PAQR3: variants seen among roughly 807,000 people sequenced by gnomAD.
The protein encoded by PAQR3 is progestin and adipoQ receptor family member 3.
PAQR3 carries 39 observed loss-of-function variants against 41.7 expected under a neutral mutation model. The observed-to-expected ratio is 0.93, with a 90% CI of 0.72 to 1.22. The LOEUF (loss-of-function observed/expected upper bound fraction) is 1.22, where lower values mean the gene tolerates loss of function less well. Ranked by LOEUF, PAQR3 falls within the 50% of genes most tolerant of loss-of-function variation. The pLI is 0.00. For missense variants in PAQR3, 366 were observed against 385.6 expected (o/e 0.95, Z 0.42); for synonymous variants, 140 against 140.6 (o/e 1.00, Z 0.03).
intron 11 of PAQR3, among the ~76,000 whole-genome samples, chr4:78,903,210 A>G (rs2110097809): frequency 6.6e-6 from 1 of 152,120 alleles, no homozygotes; most frequent in Admixed American, 6.6e-5. Context: ...TAAGCACAGA[A>G]TGGGCAAATT....
intron 2 of PAQR3, 35 bp downstream of exon 2, chr4:78,935,086 T>C: frequency 6.2e-7 from 1 of 1,602,160 alleles, no homozygotes; most frequent in South Asian, 1.1e-5. Context: ...CAAAAAGTTC[T>C]CTTTACCAAC....
intron 5 of PAQR3, chr4:78,921,880 C>T: frequency 1.0e-6 from 1 of 985,028 alleles, no homozygotes. Context: ...TACCCAAACT[C>T]AATATGCTCT....
chr4:78,936,024 G>C (rs1270927361), intron 1 of PAQR3, among the ~76,000 whole-genome samples: 1 of 152,114 alleles, frequency 6.6e-6, no homozygotes, highest in Non-Finnish European at 1.5e-5. Context: ...TGGCAGCACA[G>C]GTTGCTAGAG....
intron 3 of PAQR3, among the ~76,000 whole-genome samples, chr4:78,928,197 CA>C: frequency 6.6e-6 from 1 of 152,232 alleles, no homozygotes; most frequent in Non-Finnish European, 1.5e-5. Context: ...ATAAGATAAG[CA>C]AAACAATTCA....
chr4:78,927,375 C>T (rs1050283805), intron 3 of PAQR3, among the ~76,000 whole-genome samples: 6 of 152,178 alleles, frequency 3.9e-5, no homozygotes, highest in Non-Finnish European at 8.8e-5. Flanking sequence ...TTCAAACAGA[C>T]TTATTAGAAA....
At chr4:78,911,116 G>A (rs758202219), downstream of PAQR3, 2 of 1,613,982 alleles carry the variant, frequency 1.2e-6, no homozygotes, top group Non-Finnish European at 1.7e-6. Context: ...GGAGTTTGAT[G>A]TATTTGGCGC....
chr4:78,908,711 G>T (rs1280242848), downstream of PAQR3, among the ~76,000 whole-genome samples: 1 of 151,986 alleles, frequency 6.6e-6, no homozygotes, highest in Non-Finnish European at 1.5e-5. Context: ...AAAATTTTTA[G>T]TACTCCTCTT....
intron 10 of PAQR3, among the ~76,000 whole-genome samples, chr4:78,906,657 A>G (rs1235589892): frequency 1.3e-5 from 2 of 152,060 alleles, no homozygotes; most frequent in African/African-American, 2.4e-5. Flanking sequence ...CTCTTGAATT[A>G]GCCATAGACT....
intron 1 of PAQR3, among the ~76,000 whole-genome samples, chr4:78,935,630 C>T (rs1373784964): frequency 6.6e-6 from 1 of 152,128 alleles, no homozygotes; most frequent in African/African-American, 2.4e-5. Flanking sequence ...GTTCACAATG[C>T]CTTGCTCAGA....
Position 78,912,223 on chromosome 4 carries a change from G to C in PAQR3, c.*8316C>G. ...AGGGTAGTAACTTGATTCCTCTTCAGGAGAAAAGGGAGCTAAATTGCAAGC... is the reference window on the plus strand; with the variant it reads ...AGGGTAGTAACTTGATTCCTCTTCACGAGAAAAGGGAGCTAAATTGCAAGC... On this transcript the variant is annotated 3_prime_UTR_variant, in exon 6 of 6. Coordinates refer to ENST00000512733, the MANE Select transcript of PAQR3 (RefSeq NM_001040202.2). 3.7e-6 allele frequency: 2 copies of C among 542,052 alleles called. No individual in the cohort carries two copies. Among genetic ancestry groups the C allele is most frequent in the Non-Finnish European group, 6.3e-6 (2 of 316,126 alleles). The allele number at this position is 542,052 out of a possible 1,614,324, so 33.6% of individuals were successfully genotyped here.
chr4:78,930,939 T>C (rs915021391), intron 2 of PAQR3, among the ~76,000 whole-genome samples: 11 of 151,828 alleles, frequency 7.2e-5, no homozygotes, highest in African/African-American at 2.4e-4. Context: ...GAAATCACAC[T>C]ATGCATTCTG....
At chr4:78,892,849 A>G (rs1301389500) in intron 11 of PAQR3, among the ~76,000 whole-genome samples, 1 of 152,250 alleles carries the variant, frequency 6.6e-6, no homozygotes, top group Non-Finnish European at 1.5e-5. Context: ...AATGCTAACA[A>G]TCATCTGAAC....
downstream of PAQR3, chr4:78,910,544 A>G: frequency 7.8e-7 from 1 of 1,276,994 alleles, no homozygotes; most frequent in Non-Finnish European, 1.1e-6. Flanking sequence ...ATACATATTA[A>G]CATTTAGTGC....
rs1553923503 is a variant in PAQR3, at chr4:78,917,543, T to TAAAC, written c.*2992_*2995dup. 2.6e-5 allele frequency: 4 copies of TAAAC among 151,624 alleles called. No homozygotes were observed. The highest frequency in any genetic ancestry group is 2.9e-5 in the Non-Finnish European group (2 of 68,036). 9.4% of individuals were successfully genotyped at this position (151,624 alleles called of 1,614,324 possible). On this transcript the variant is annotated 3_prime_UTR_variant, in exon 6 of 6. Transcript: ENST00000512733. The stretch of plus-strand genomic sequence containing the variant: ...GGACTGTATTTACACCTCTTTAGTG[T>TAAAC]AAACACAGTTATTGTGATAATGCAC...
downstream of PAQR3, among the ~76,000 whole-genome samples, chr4:78,908,469 T>C (rs1376813008): frequency 6.6e-6 from 1 of 152,244 alleles, no homozygotes; most frequent in Non-Finnish European, 1.5e-5. Flanking sequence ...CTCTGCTGAC[T>C]TCTGAATGTT....
downstream of PAQR3, chr4:78,910,972 G>A (rs1404298685): frequency 6.2e-7 from 1 of 1,613,460 alleles, no homozygotes; most frequent in Non-Finnish European, 8.5e-7. Context: ...TTATGAGCAG[G>A]CTAAAGCAAA....
At chr4:78,932,612 G>A (rs934722478) in intron 2 of PAQR3, among the ~76,000 whole-genome samples, 1 of 152,060 alleles carries the variant, frequency 6.6e-6, no homozygotes, top group Non-Finnish European at 1.5e-5. Context: ...TTCAGGTGAC[G>A]TTTTCTTCCA....
In PAQR3 at chr4:78,939,282, G is replaced by A; in HGVS notation, c.-58C>T. ...AGCTCCCCCAGGTCCCGCCTCCCCG[G>A]GGAGGGGGCTTCGCCGCTGGCGCCC... On this transcript the variant is annotated 5_prime_UTR_variant, in exon 1 of 6. Coordinates refer to ENST00000512733, the MANE Select transcript of PAQR3 (RefSeq NM_001040202.2). The A allele has an allele frequency of 6.6e-7, 1 of 1,505,210 alleles. No individual in the cohort carries two copies. The highest frequency in any genetic ancestry group is 2.7e-5 in the East Asian group (1 of 36,936). 93.2% of individuals were successfully genotyped at this position (1,505,210 alleles called of 1,614,324 possible).
rs891541019 is a variant in PAQR3, at chr4:78,915,033, T to C, written c.*5506A>G. ...GAATGTATCTGCTAAGACACAAAAA[T>C]TGCATGGTAAGTATAATAGGTGGAG... On this transcript the variant is annotated 3_prime_UTR_variant, in exon 6 of 6. Coordinates refer to ENST00000512733, the MANE Select transcript of PAQR3 (RefSeq NM_001040202.2). The C allele has an allele frequency of 6.6e-6, 1 of 151,966 alleles. No individual in the cohort carries two copies. The highest frequency in any genetic ancestry group is 1.5e-5 in the Non-Finnish European group (1 of 67,926). The allele number at this position is 151,966 out of a possible 1,614,324, so 9.4% of individuals were successfully genotyped here. A position where few individuals can be genotyped will look rare whatever the true frequency, so the allele number is the denominator to read the frequency against.
Sources: allele counts gnomAD v4.1 joint callset (sites outside exome capture counted in the v4.1 genomes callset), GRCh38; gene constraint gnomAD v4.1.1; transcripts MANE v1.5; gene names NCBI Gene and HGNC (gene_info 2026-07-23, HGNC 2026-07-21).